The following ITGB4 variants were observed in gnomAD, a reference collection of about 807,000 sequenced individuals.
The protein encoded by ITGB4 is integrin subunit beta 4, also known as integrin beta-4.
ITGB4 carries 159 observed loss-of-function variants against 207.6 expected under a neutral mutation model. The observed-to-expected ratio is 0.77, with a 90% CI of 0.67 to 0.87. ITGB4 has a LOEUF of 0.87. Among genes scored for constraint, ITGB4 ranks in the 40% least tolerant of loss-of-function variants. ITGB4 has a pLI of 0.00. For missense variants in ITGB4, 2,278 were observed against 2,546.8 expected (o/e 0.89, Z 2.27); for synonymous variants, 1,020 against 1,062.7 (o/e 0.96, Z 0.78).
At chr17:75,741,230 C>T (rs894211954) in intron 23 of ITGB4, 13 of 631,920 alleles carry the variant, frequency 2.1e-5, no homozygotes, top group Non-Finnish European at 3.4e-5. Context: ...CAGGCAAAAG[C>T]AAATCAACCC....
chr17:75,750,052 C>T lies in ITGB4; in HGVS notation c.3317-59C>T, dbSNP rs1174012292. ...CCTGGGTGTTGAAGTGGGTCTCTGG[C>T]GCCCCCTGGTGGTGAAGGGGGATCT... On this transcript the variant is annotated intron_variant, in intron 27 of 39. Coordinates refer to ENST00000200181, the MANE Select transcript of ITGB4 (RefSeq NM_000213.5). This position sits in a 1 kb window ranked among gnomAD's most constrained non-coding sequence, Gnocchi z 5.5. 3.7e-6 allele frequency: 6 copies of T among 1,602,168 alleles called. No individual in the cohort carries two copies. Among genetic ancestry groups the T allele is most frequent in the Non-Finnish European group, 4.3e-6 (5 of 1,170,224 alleles).
At chr17:75,745,920 C>T (rs1379446897) in intron 26 of ITGB4, among the ~76,000 whole-genome samples, 2 of 152,116 alleles carry the variant, frequency 1.3e-5, no homozygotes, top group Admixed American at 1.3e-4. Context: ...AATAAAGTCT[C>T]GCCTCCCTGG....
intron 31 of ITGB4, 27 bp from the exon 32 acceptor site, chr17:75,752,419 G>A: frequency 6.2e-7 from 1 of 1,612,912 alleles, no homozygotes; most frequent in Non-Finnish European, 8.5e-7. Context: ...AGCAGCCAGG[G>A]CCCTGGCTCA....
chr17:75,723,341 T>A (rs2060654256), intron 1 of ITGB4, among the ~76,000 whole-genome samples: 1 of 152,212 alleles, frequency 6.6e-6, no homozygotes, highest in African/African-American at 2.4e-5. Flanking sequence ...TGAGGGGCTG[T>A]GGCCAGGGAC....
At position 75,737,613 on chromosome 17, in the gene ITGB4, T is replaced by G. The variant is rs1324898060; in HGVS notation, c.2189T>G (p.Leu730Arg). Residue 730 changes from leucine (L) to arginine (R), a missense_variant, in exon 18 of 40, where the codon CTG becomes CGG. Transcript: ENST00000200181. ...CTGCCGCTCCTGGCCCTGCTACTGC[T>G]GCTATGCTGGAAGTACTGTGCCTGC... is the stretch of plus-strand genomic sequence containing the variant. Reference protein sequence around the residue: ...LLLPLLALLLLLCWKYCACCK... With the variant: ...LLLPLLALLLRLCWKYCACCK... The G allele has an allele frequency of 1.9e-6, 3 of 1,613,424 alleles. No homozygotes were observed. In the South Asian group the frequency reaches 3.3e-5, roughly 18 times the overall value.
rs2061426780 is a variant in ITGB4, at chr17:75,753,903, C to T, written c.4247C>T (p.Pro1416Leu). ...TCCGACGCCGAGGCGCCCCACGGGC[C>T]CCCGGACGACGGCGGCGCGGGCGGG... ...RSSDAEAPHG[P>L]PDDGGAGGKG... The change falls in exon 33 of 40, where the codon CCC becomes CTC. Residue 1416 changes from proline (P) to leucine (L), a missense_variant. By Grantham distance (98) the Pro-to-Leu change is moderately conservative. Coordinates refer to ENST00000200181, the MANE Select transcript of ITGB4 (RefSeq NM_000213.5). 5 of 1,293,342 alleles carry T rather than the reference C, an allele frequency of 3.9e-6. No homozygotes were observed. The African/African-American group carries it at 4.6e-5, about 12-fold the overall frequency. The allele number at this position is 1,293,342 out of a possible 1,614,324, so 80.1% of individuals were successfully genotyped here.
intron 16 of ITGB4, 47 bp from the exon 17 acceptor site, chr17:75,737,275 G>T: frequency 1.3e-6 from 2 of 1,570,316 alleles, no homozygotes; most frequent in Non-Finnish European, 1.7e-6. Flanking sequence ...GTCCTCTGGG[G>T]CGGAGGGGTG....
In ITGB4 at chr17:75,742,617, G is replaced by A. The variant is rs1278646272; in HGVS notation, c.2818G>A (p.Glu940Lys). Reference protein sequence around the residue: ...RGMVEFQEGVELVDVRVPLFI... With the variant: ...RGMVEFQEGVKLVDVRVPLFI... ...CATGGTGGAGTTCCAGGAGGGCGTG[G>A]AGCTGGTGGACGTACGGGTGCCCCT... Residue 940 changes from glutamate to lysine, a missense_variant, in exon 25 of 40, where the codon GAG (glutamate) becomes AAG (lysine). Physicochemically the swap from Glu to Lys is moderately conservative, Grantham distance 56. Transcript: ENST00000200181. The surrounding 1 kb of genome is among the most constrained non-coding windows in gnomAD (Gnocchi z 5.9). 1 of 1,614,034 alleles carries A rather than the reference G, an allele frequency of 6.2e-7. No homozygotes were observed. The highest frequency in any genetic ancestry group is 8.5e-7 in the Non-Finnish European group (1 of 1,180,024).
In ITGB4 at chr17:75,729,203, G is replaced by A. The variant is rs1568345933; in HGVS notation, c.567-62G>A. The stretch of plus-strand genomic sequence containing the variant: ...CTCCTTCTAGTTGAAACGAGCCAGG[G>A]GCACTGGGGTCTGCGGCGTCTTCCC... On this transcript the variant is annotated intron_variant, in intron 6 of 39. Coordinates refer to ENST00000200181, the MANE Select transcript of ITGB4 (RefSeq NM_000213.5). This position sits in a 1 kb window ranked among gnomAD's most constrained non-coding sequence, Gnocchi z 4.4. The A allele has an allele frequency of 6.6e-7, 1 of 1,514,968 alleles. No individual in the cohort carries two copies. Among genetic ancestry groups the A allele is most frequent in the East Asian group, 2.3e-5 (1 of 43,998 alleles). 93.8% of individuals were successfully genotyped at this position (1,514,968 alleles called of 1,614,324 possible). A position where few individuals can be genotyped will look rare whatever the true frequency, so the allele number is the denominator to read the frequency against.
In ITGB4 at chr17:75,750,360, C is replaced by A; in HGVS notation, c.3474+92C>A. On this transcript the variant is annotated intron_variant, in intron 28 of 39. Coordinates refer to ENST00000200181, the MANE Select transcript of ITGB4 (RefSeq NM_000213.5). The surrounding 1 kb of genome is among the most constrained non-coding windows in gnomAD (Gnocchi z 5.5). ...GTGGGCCGTCCAAGGCCAGGGCCCC[C>A]TGAGAGAGAGCAGACAGTGGAACCT... is the stretch of plus-strand genomic sequence containing the variant. 2 of 1,329,964 alleles carry A rather than the reference C, an allele frequency of 1.5e-6. No homozygotes were observed. The highest frequency in any genetic ancestry group is 2.4e-5 in the East Asian group (1 of 41,274). 82.4% of individuals were successfully genotyped at this position (1,329,964 alleles called of 1,614,324 possible). A position where few individuals can be genotyped will look rare whatever the true frequency, so the allele number is the denominator to read the frequency against.
At position 75,729,297 on chromosome 17, in the gene ITGB4, C is replaced by G. The variant is rs148770294; in HGVS notation, c.599C>G (p.Pro200Arg). ...GAGCCCTGGCCCAACAGTGACCCCCCCTTCTCCTTCAAGAACGTCATCAGC... is the reference window on the plus strand; with the variant it reads ...GAGCCCTGGCCCAACAGTGACCCCCGCTTCTCCTTCAAGAACGTCATCAGC... ...LKEPWPNSDP[P>R]FSFKNVISLT... The change falls in exon 7 of 40, where the codon CCC (proline) becomes CGC (arginine). Residue 200 changes from proline to arginine, a missense_variant. Transcript: ENST00000200181. This position sits in a 1 kb window ranked among gnomAD's most constrained non-coding sequence, Gnocchi z 4.4. The G allele has an allele frequency of 1.5e-5, 25 of 1,614,094 alleles. No homozygotes were observed. The highest frequency in any genetic ancestry group is 2.7e-5 in the African/African-American group (2 of 74,930).
rs1016148967 is a variant in ITGB4, at chr17:75,756,277, G to A, written c.4709-152G>A. On this transcript the variant is annotated intron_variant, in intron 35 of 39. Transcript: ENST00000200181. The stretch of plus-strand genomic sequence containing the variant: ...GTATAGTACACAATCTGAACAACCA[G>A]CCATACCATACTGTACCCAACCTGT... 4.0e-6 allele frequency: 3 copies of A among 750,024 alleles called. No individual in the cohort carries two copies. In the African/African-American group the frequency reaches 5.2e-5, roughly 13 times the overall value. The allele number at this position is 750,024 out of a possible 1,614,324, so 46.5% of individuals were successfully genotyped here.
intron 2 of ITGB4, among the ~76,000 whole-genome samples, chr17:75,725,737 G>A (rs965257944): frequency 4.1e-4 from 63 of 152,336 alleles, no homozygotes; most frequent in African/African-American, 1.4e-3. Flanking sequence ...GAGCCAAAGG[G>A]AAATCTAGAG....
Position 75,753,843 on chromosome 17 carries a change from T to C in ITGB4, c.4187T>C (p.Leu1396Pro), listed in dbSNP as rs372879741. The C allele has an allele frequency of 6.3e-6, 9 of 1,427,732 alleles. No homozygotes were observed. The highest frequency in any genetic ancestry group is 8.3e-6 in the Non-Finnish European group (9 of 1,089,980). The allele number at this position is 1,427,732 out of a possible 1,614,324, so 88.4% of individuals were successfully genotyped here. A position where few individuals can be genotyped will look rare whatever the true frequency, so the allele number is the denominator to read the frequency against. Residue 1396 changes from leucine to proline, a missense_variant, in exon 33 of 40, where the codon CTC (leucine) becomes CCC (proline). By Grantham distance (98) the Leu-to-Pro change is moderately conservative (BLOSUM62 -3). Transcript: ENST00000200181. ...RRVTWRLPPE[L>P]IPRLSASSGR... ...GTCACGTGGCGGCTGCCCCCGGAGC[T>C]CATCCCGCGCCTGTCGGCCAGCAGC...
At position 75,731,595 on chromosome 17, in the gene ITGB4, TGTCACGAAGCCCAGA is replaced by T. The variant is rs2060859906; in HGVS notation, c.1216-215_1216-201del. On this transcript the variant is annotated intron_variant, in intron 10 of 39. Coordinates refer to ENST00000200181, the MANE Select transcript of ITGB4 (RefSeq NM_000213.5). The surrounding 1 kb of genome is among the most constrained non-coding windows in gnomAD (Gnocchi z 6.8). Reference sequence around the variant, plus strand: ...CTTGCTGGGGCAGTAAATGGGTTAGTGTCACGAAGCCCAGAGGCCCTGGCCACTGTCATTGTCGCT... The same window carrying T: ...CTTGCTGGGGCAGTAAATGGGTTAGTGGCCCTGGCCACTGTCATTGTCGCT... Among the ~76,000 whole-genome samples the T allele has an allele frequency of 6.6e-6, 1 of 152,120 alleles. No homozygotes were observed. The highest frequency in any genetic ancestry group is 1.5e-5 in the Non-Finnish European group (1 of 68,022).
At chr17:75,755,557 G>C (rs2061477528) in intron 34 of ITGB4, 144 bp from the exon 35 acceptor site, 1 of 1,024,974 alleles carries the variant, frequency 9.8e-7, no homozygotes, top group East Asian at 2.6e-5. Flanking sequence ...AGCCTGGACA[G>C]GGTGTTGCAG....
intron 34 of ITGB4, chr17:75,755,331 C>G (rs1180917905): frequency 8.9e-7 from 1 of 1,119,650 alleles, no homozygotes; most frequent in African/African-American, 1.6e-5. Context: ...ACAGGACCCC[C>G]GCCTGCCCAC....
At chr17:75,752,381 G>A in intron 31 of ITGB4, 25 bp downstream of exon 31, 1 of 1,612,588 alleles carries the variant, frequency 6.2e-7, no homozygotes, top group African/African-American at 1.3e-5. Context: ...GGGAGGTGAG[G>A]GGCAGACCGG....
rs368461265 is a variant in ITGB4, at chr17:75,732,108, A to G, written c.1378-55A>G. On this transcript the variant is annotated intron_variant, in intron 11 of 39. Coordinates refer to ENST00000200181, the MANE Select transcript of ITGB4 (RefSeq NM_000213.5). The surrounding 1 kb of genome is among the most constrained non-coding windows in gnomAD (Gnocchi z 5.3). ...GGCACACAGGAGAGCGGAAGTGTCC[A>G]GTGGCCCCGGTCCTGCTCCCCCGAC... 60 of 1,607,878 alleles carry G rather than the reference A, an allele frequency of 3.7e-5. No homozygotes were observed. The African/African-American group carries it at 6.2e-4, about 16-fold the overall frequency.
Sources: gnomAD v4.1 joint callset for allele counts (sites outside exome capture counted in the v4.1 genomes callset) on GRCh38, gnomAD v4.1.1 for gene constraint, Gnocchi (gnomAD v3.1) non-coding constraint, MANE v1.5 for transcripts, NCBI Gene and HGNC (gene_info 2026-07-23, HGNC 2026-07-21) for gene names.